ZMAT4: variants seen among roughly 807,000 people sequenced by gnomAD.
ZMAT4 encodes the protein zinc finger matrin-type 4.
Under a neutral mutation model 28.7 loss-of-function variants are expected in ZMAT4, and 17 were observed. That is an observed-to-expected ratio of 0.59 (90% CI 0.41 to 0.89). ZMAT4 has a LOEUF of 0.89. Ranked by LOEUF, ZMAT4 falls within the 40% of genes least tolerant of loss-of-function variation. ZMAT4 has a pLI of 0.00. For synonymous variants in ZMAT4, 117 were observed against 109.2 expected (o/e 1.07, Z -0.44); for missense variants, 240 against 283.8 (o/e 0.85, Z 1.11).
chr8:40,630,351 C>A (rs568061348), intron 5 of ZMAT4, among the ~76,000 whole-genome samples: 1 of 152,276 alleles, frequency 6.6e-6, no homozygotes, highest in South Asian at 2.1e-4. Flanking sequence ...AGAATTGGTG[C>A]GTTTAGTGGA....
At chr8:40,808,137 A>T (rs557301236) in intron 2 of ZMAT4, among the ~76,000 whole-genome samples, 281 of 152,320 alleles carry the variant, frequency 1.8e-3, no homozygotes, top group Admixed American at 3.5e-3. Context: ...GATCATCATA[A>T]TTATATAGAT....
chr8:40,794,036 C>T (rs998505725), intron 2 of ZMAT4, among the ~76,000 whole-genome samples: 2 of 152,162 alleles, frequency 1.3e-5, no homozygotes, highest in African/African-American at 2.4e-5. Flanking sequence ...GAGAATTTCC[C>T]TTGCAATTAG....
intron 3 of ZMAT4, among the ~76,000 whole-genome samples, chr8:40,753,704 A>G (rs1812552499): frequency 6.6e-6 from 1 of 152,220 alleles, no homozygotes; most frequent in African/African-American, 2.4e-5. Context: ...TACAGACCTC[A>G]GGTTCTAGAG....
chr8:40,545,914 C>G (rs1389711425), intron 6 of ZMAT4, among the ~76,000 whole-genome samples: 1 of 150,668 alleles, frequency 6.6e-6, no homozygotes, highest in East Asian at 2.0e-4. Context: ...TCCTAGCAGT[C>G]CTCTGAAATG....
intron 5 of ZMAT4, among the ~76,000 whole-genome samples, chr8:40,641,460 T>C (rs1189090320): frequency 1.3e-5 from 2 of 152,224 alleles, no homozygotes; most frequent in Non-Finnish European, 2.9e-5. Flanking sequence ...CAAGAATTTG[T>C]ACAGAAAAGA....
At chr8:40,755,546 G>C (rs903233336) in intron 3 of ZMAT4, among the ~76,000 whole-genome samples, 1 of 152,016 alleles carries the variant, frequency 6.6e-6, no homozygotes, top group African/African-American at 2.4e-5. Context: ...TCCGCCTCCC[G>C]GGTTCAAGCA....
At chr8:40,885,620 C>T (rs1818425111) in intron 1 of ZMAT4, among the ~76,000 whole-genome samples, 1 of 152,198 alleles carries the variant, frequency 6.6e-6, no homozygotes, top group African/African-American at 2.4e-5. Context: ...GAACTCCTGG[C>T]CTCAAGTGAT....
rs57321729 is a variant in ZMAT4, at chr8:40,555,088, G to T, written c.675-22850C>A. 2.5e-3 allele frequency among the ~76,000 whole-genome samples: 385 copies of T among 152,148 alleles called. 2 individuals are homozygous for T. Among genetic ancestry groups the T allele is most frequent in the African/African-American group, 8.6e-3 (358 of 41,536 alleles). On this transcript the variant is annotated intron_variant, in intron 6 of 6. Transcript: ENST00000297737. Reference sequence around the variant, plus strand: ...GAACATGTGATGTTTGCCTTTCTGTGCCTGGCTTATTTTACTTAACATAAT... The same window carrying T: ...GAACATGTGATGTTTGCCTTTCTGTTCCTGGCTTATTTTACTTAACATAAT...
At chr8:40,560,103 C>A (rs1443905146) in intron 6 of ZMAT4, among the ~76,000 whole-genome samples, 2 of 151,960 alleles carry the variant, frequency 1.3e-5, no homozygotes, top group African/African-American at 4.8e-5. Flanking sequence ...CTGCCACTGT[C>A]AATACCTGTG....
chr8:40,669,484 C>T (rs1808580972), intron 5 of ZMAT4, among the ~76,000 whole-genome samples: 1 of 151,884 alleles, frequency 6.6e-6, no homozygotes, highest in African/African-American at 2.4e-5. Flanking sequence ...ACCGCTTTTG[C>T]CTCTGCCACC....
At chr8:40,696,838 A>T (rs1385862400) in intron 4 of ZMAT4, among the ~76,000 whole-genome samples, 1 of 152,186 alleles carries the variant, frequency 6.6e-6, no homozygotes, top group East Asian at 1.9e-4. Flanking sequence ...AAAAAGGATG[A>T]TGTCCTGCAT....
chr8:40,633,381 T>C (rs1563376823), intron 5 of ZMAT4, among the ~76,000 whole-genome samples: 3 of 152,080 alleles, frequency 2.0e-5, no homozygotes, highest in Admixed American at 6.6e-5. Context: ...AGTGGGAAAG[T>C]GACACATGCG....
intron 1 of ZMAT4, among the ~76,000 whole-genome samples, chr8:40,832,748 G>A (rs1336137898): frequency 1.3e-5 from 2 of 152,192 alleles, no homozygotes; most frequent in African/African-American, 4.8e-5. Flanking sequence ...GCCTTCCGCT[G>A]TTGTTTAAAC....
At chr8:40,809,346 G>T (rs978033166) in intron 2 of ZMAT4, among the ~76,000 whole-genome samples, 1 of 152,178 alleles carries the variant, frequency 6.6e-6, no homozygotes, top group Non-Finnish European at 1.5e-5. Flanking sequence ...AGGGTCATGG[G>T]TTGAAAACCT....
At chr8:40,687,665 C>T (rs1306378791) in intron 4 of ZMAT4, among the ~76,000 whole-genome samples, 1 of 152,068 alleles carries the variant, frequency 6.6e-6, no homozygotes, top group African/African-American at 2.4e-5. Context: ...ATAAAACCTC[C>T]CTTTGTATCA....
At chr8:40,553,862 C>T (rs1803441734) in intron 6 of ZMAT4, among the ~76,000 whole-genome samples, 1 of 152,186 alleles carries the variant, frequency 6.6e-6, no homozygotes, top group Non-Finnish European at 1.5e-5. Context: ...ATTATTCATT[C>T]TGTGCCAAGG....
At chr8:40,775,445 G>A (rs1429575250) in intron 2 of ZMAT4, among the ~76,000 whole-genome samples, 2 of 152,194 alleles carry the variant, frequency 1.3e-5, no homozygotes, top group African/African-American at 4.8e-5. Context: ...CAGGTGAGCT[G>A]ATGAAGACTG....
intron 4 of ZMAT4, among the ~76,000 whole-genome samples, chr8:40,689,792 T>A (rs1324736399): frequency 6.6e-6 from 1 of 152,064 alleles, no homozygotes; most frequent in Non-Finnish European, 1.5e-5. Flanking sequence ...CACAGGAAAT[T>A]GATTATTTTA....
At chr8:40,856,517 C>T (rs1445194856) in intron 1 of ZMAT4, among the ~76,000 whole-genome samples, 3 of 152,018 alleles carry the variant, frequency 2.0e-5, no homozygotes, top group African/African-American at 7.2e-5. Context: ...TAGCTTGAGG[C>T]CATAATATAA....
Sources: gnomAD v4.1 joint callset for allele counts (sites outside exome capture counted in the v4.1 genomes callset) on GRCh38, gnomAD v4.1.1 for gene constraint, MANE v1.5 for transcripts, NCBI Gene and HGNC (gene_info 2026-07-23, HGNC 2026-07-21) for gene names.